RIMS2: variants seen among roughly 807,000 people sequenced by gnomAD.
The protein encoded by RIMS2 is regulating synaptic membrane exocytosis protein 2.
RIMS2 carries 59 observed loss-of-function variants against 174.4 expected under a neutral mutation model. The observed-to-expected ratio is 0.34, with a 90% CI of 0.27 to 0.42. RIMS2 has a LOEUF of 0.42. RIMS2 is among the 10% of genes least tolerant of loss of function. The probability of loss-of-function intolerance (pLI) is 1.00; values close to 1 mark genes in which losing one functional copy is unlikely to be tolerated. For missense variants in RIMS2, 1,620 were observed against 1,666.3 expected, an observed-to-expected ratio of 0.97 and a Z score of 0.48; for synonymous variants, 606 against 572.5, an observed-to-expected ratio of 1.06 and a Z score of -0.84.
At chr8:103,910,370 G>A (rs753887468) in intron 5 of RIMS2, 152 of 1,597,270 alleles carry the variant, frequency 9.5e-5, no homozygotes, top group Non-Finnish European at 1.2e-4. Flanking sequence ...CAGTTTTGTC[G>A]GACTCTAACA....
intron 3 of RIMS2, among the ~76,000 whole-genome samples, chr8:103,853,921 A>G (rs2099012941): frequency 6.6e-6 from 1 of 151,992 alleles, no homozygotes; most frequent in Non-Finnish European, 1.5e-5. Context: ...TAATTCTGTG[A>G]AGAATGACAT....
chr8:103,613,150 G>A (rs1171097639), intron 1 of RIMS2, among the ~76,000 whole-genome samples: 1 of 152,182 alleles, frequency 6.6e-6, no homozygotes, highest in Non-Finnish European at 1.5e-5. Flanking sequence ...CCCAGGCCCT[G>A]GTTGAGTCCA....
chr8:103,539,013 T>C (rs1841260316), intron 1 of RIMS2, among the ~76,000 whole-genome samples: 1 of 152,254 alleles, frequency 6.6e-6, no homozygotes. Flanking sequence ...GCATATTGTA[T>C]CCAAGTTAAT....
At chr8:103,734,662 T>G (rs1334141266) in intron 2 of RIMS2, among the ~76,000 whole-genome samples, 1 of 152,008 alleles carries the variant, frequency 6.6e-6, no homozygotes, top group Non-Finnish European at 1.5e-5. Context: ...GTATCTTTTT[T>G]AACATTTCTG....
intron 3 of RIMS2, among the ~76,000 whole-genome samples, chr8:103,872,748 G>A (rs374971458): frequency 1.3e-5 from 2 of 152,140 alleles, no homozygotes; most frequent in Admixed American, 6.6e-5. Context: ...CTAAGAATGC[G>A]TAGCTTTGTA....
At chr8:104,066,718 T>C (rs917316641) in intron 19 of RIMS2, among the ~76,000 whole-genome samples, 1 of 152,186 alleles carries the variant, frequency 6.6e-6, no homozygotes, top group African/African-American at 2.4e-5. Context: ...AGCATTAATA[T>C]TCCTCACTTT....
At chr8:104,254,619 C>T (rs1195283220), downstream of RIMS2, 1 of 152,158 alleles carries the variant, frequency 6.6e-6, no homozygotes, top group Non-Finnish European at 1.5e-5. Context: ...GATTTCTGCT[C>T]ACACTATGAA....
intron 19 of RIMS2, among the ~76,000 whole-genome samples, chr8:104,135,210 T>A (rs2098508485): frequency 6.6e-6 from 1 of 152,094 alleles, no homozygotes; most frequent in South Asian, 2.1e-4. Flanking sequence ...CACTCCTTAT[T>A]GTATGAGTGG....
chr8:103,588,743 T>G (rs1226967360), intron 1 of RIMS2, among the ~76,000 whole-genome samples: 8 of 151,882 alleles, frequency 5.3e-5, no homozygotes, highest in Admixed American at 3.9e-4. Context: ...TGTCTCACCA[T>G]ATACAAAAAT....
chr8:103,808,377 A>T (rs866817072), intron 3 of RIMS2, among the ~76,000 whole-genome samples: 1 of 151,912 alleles, frequency 6.6e-6, no homozygotes, highest in Non-Finnish European at 1.5e-5. Context: ...TTTGTCATAA[A>T]CCTCTTATTT....
chr8:104,182,877 T>C (rs1018771425), intron 19 of RIMS2, among the ~76,000 whole-genome samples: 20 of 151,760 alleles, frequency 1.3e-4, no homozygotes, highest in African/African-American at 4.8e-4. Flanking sequence ...ATAATTTGTG[T>C]GAAAGTATTT....
At chr8:103,885,448 G>A in exon 4 of RIMS2, 2 of 1,612,666 alleles carry the variant, frequency 1.2e-6, no homozygotes, top group South Asian at 2.2e-5. Flanking sequence ...ATGAACCTCA[G>A]TTTTATGAAG....
intron 1 of RIMS2, among the ~76,000 whole-genome samples, chr8:103,563,084 G>C (rs1056687355): frequency 3.9e-5 from 6 of 152,142 alleles, no homozygotes; most frequent in African/African-American, 1.4e-4. Context: ...GTGATGGGAG[G>C]GGCTGCAGCA....
intron 1 of RIMS2, among the ~76,000 whole-genome samples, chr8:103,514,009 T>C (rs1176661328): frequency 6.9e-6 from 1 of 144,480 alleles, no homozygotes; most frequent in Non-Finnish European, 1.5e-5. Flanking sequence ...AGTGTTTCCC[T>C]ATTGCCAGCT....
intron 19 of RIMS2, among the ~76,000 whole-genome samples, chr8:104,084,245 A>G (rs183546132): frequency 9.2e-5 from 14 of 152,000 alleles, no homozygotes; most frequent in African/African-American, 3.4e-4. Context: ...GTTGAAGACC[A>G]CCCTGGCCAA....
intron 1 of RIMS2, among the ~76,000 whole-genome samples, chr8:103,521,301 A>T (rs2130451572): frequency 6.6e-6 from 1 of 152,146 alleles, no homozygotes; most frequent in South Asian, 2.1e-4. Flanking sequence ...TAAAATTAAA[A>T]AAAACCAATA....
chr8:103,618,752 G>A (rs896130206), intron 1 of RIMS2, among the ~76,000 whole-genome samples: 1 of 152,036 alleles, frequency 6.6e-6, no homozygotes, highest in African/African-American at 2.4e-5. Context: ...CAGTTCACAT[G>A]TACTGTCTTC....
chr8:103,939,493 G>A (rs1440378518), intron 13 of RIMS2, among the ~76,000 whole-genome samples: 8 of 152,176 alleles, frequency 5.3e-5, no homozygotes, highest in Non-Finnish European at 1.2e-4. Context: ...TTCTTCCTAG[G>A]CCTCCAGGCC....
At chr8:103,726,645 G>A (rs1051971297) in intron 2 of RIMS2, among the ~76,000 whole-genome samples, 3 of 149,818 alleles carry the variant, frequency 2.0e-5, no homozygotes, top group Non-Finnish European at 4.4e-5. Context: ...TTCAAAATTA[G>A]AATGTTTTTG....
Sources: allele counts gnomAD v4.1 joint callset (sites outside exome capture counted in the v4.1 genomes callset), GRCh38; gene constraint gnomAD v4.1.1; transcripts MANE v1.5; gene names NCBI Gene and HGNC (gene_info 2026-07-23, HGNC 2026-07-21).